Variants in AGAP1 observed in about 807,000 individuals in gnomAD.
AGAP1 encodes the protein arf-GAP with GTPase, ANK repeat and PH domain-containing protein 1.
Under a neutral mutation model 105.3 loss-of-function variants are expected in AGAP1, and 29 were observed. The observed-to-expected ratio is 0.28, with a 90% confidence interval of 0.21 to 0.38. AGAP1 has a LOEUF of 0.38. Among genes scored for constraint, AGAP1 ranks in the 10% least tolerant of loss-of-function variants. The pLI, the probability that AGAP1 is intolerant of heterozygous loss-of-function variation, is 1.00. For synonymous variants in AGAP1, 509 were observed against 485.9 expected, an observed-to-expected ratio of 1.05 and a Z score of -0.63; for missense variants, 998 against 1,165.1, an observed-to-expected ratio of 0.86 and a Z score of 2.09.
chr2:236,010,951 G>A (rs1300606591), intron 13 of AGAP1, among the ~76,000 whole-genome samples: 1 of 152,180 alleles, frequency 6.6e-6, no homozygotes, highest in Non-Finnish European at 1.5e-5. Flanking sequence ...GGCGGCTGAG[G>A]CAGGAGAATG....
chr2:235,852,414 C>T (rs529382705), intron 9 of AGAP1, among the ~76,000 whole-genome samples: 6 of 152,182 alleles, frequency 3.9e-5, no homozygotes, highest in Non-Finnish European at 7.3e-5. Context: ...GGGGGAACCC[C>T]GAAACAGGCC....
intron 1 of AGAP1, among the ~76,000 whole-genome samples, chr2:235,696,547 A>T (rs1575154983): frequency 6.6e-6 from 1 of 152,234 alleles, no homozygotes; most frequent in East Asian, 1.9e-4. Flanking sequence ...CAGGGATGAG[A>T]GATGGTCCGT....
At chr2:235,510,840 G>C (rs914281305) in intron 1 of AGAP1, among the ~76,000 whole-genome samples, 1 of 152,068 alleles carries the variant, frequency 6.6e-6, no homozygotes. Context: ...AGAAGCCTCA[G>C]AAAGAGGTGC....
chr2:236,024,634 C>T (rs1329197313), intron 13 of AGAP1, among the ~76,000 whole-genome samples: 1 of 152,062 alleles, frequency 6.6e-6, no homozygotes, highest in African/African-American at 2.4e-5. Context: ...ACGGATTGGC[C>T]CATTAACCTT....
At chr2:235,686,665 A>ATATATATATATATT (rs1369766503) in intron 1 of AGAP1, among the ~76,000 whole-genome samples, 1 of 77,502 alleles carries the variant, frequency 1.3e-5, no homozygotes, top group Non-Finnish European at 2.2e-5. Flanking sequence ...ATATATATAT[A>ATATATATATATATT]TTTTTTTTTT....
rs1397120478 is a variant in AGAP1, at chr2:235,900,170, A to G, written c.1156-8568A>G. Among the ~76,000 whole-genome samples, 1 of 152,230 alleles carries G rather than the reference A, an allele frequency of 6.6e-6. No individual in the cohort carries two copies. The highest frequency in any genetic ancestry group is 2.4e-5 in the African/African-American group (1 of 41,462). ...AGCCTTCTCGTTTACCACGTGTAGCATAATGACCCAGACCCAATAAAGCAT... is the reference window on the plus strand; with the variant it reads ...AGCCTTCTCGTTTACCACGTGTAGCGTAATGACCCAGACCCAATAAAGCAT... On this transcript the variant is annotated intron_variant, in intron 10 of 17. Coordinates refer to ENST00000304032, the MANE Select transcript of AGAP1 (RefSeq NM_001037131.3). The surrounding 1 kb of genome is among the most constrained non-coding windows in gnomAD (Gnocchi z 5.5).
intron 1 of AGAP1, among the ~76,000 whole-genome samples, chr2:235,508,337 T>TAAAA (rs751367327): frequency 6.6e-6 from 1 of 152,218 alleles, no homozygotes; most frequent in Admixed American, 6.5e-5. Context: ...TTTGATGTTT[T>TAAAA]AGTAAAGTAG....
At chr2:235,595,974 G>A (rs7594974) in intron 1 of AGAP1, among the ~76,000 whole-genome samples, 22,221 of 152,192 alleles carry the variant, frequency 0.15, 1,891 homozygotes, top group South Asian at 0.28. Context: ...ATTACTTTGC[G>A]TACTGTGTAC....
At chr2:235,581,622 G>A (rs1276679223) in intron 1 of AGAP1, among the ~76,000 whole-genome samples, 7 of 151,702 alleles carry the variant, frequency 4.6e-5, no homozygotes, top group African/African-American at 7.2e-5. Context: ...CCTGGGCAAC[G>A]TGGTGAAATT....
chr2:235,956,688 G>A (rs2053964272), intron 12 of AGAP1, among the ~76,000 whole-genome samples: 1 of 152,226 alleles, frequency 6.6e-6, no homozygotes, highest in Non-Finnish European at 1.5e-5. Context: ...AGGAGGCTGG[G>A]GGACACCCCT....
Position 235,889,179 on chromosome 2 carries a change from A to G in AGAP1, c.1155+5730A>G, listed in dbSNP as rs1266522046. 6.6e-6 allele frequency among the ~76,000 whole-genome samples: 1 copy of G among 152,148 alleles called. No individual in the cohort carries two copies. The highest frequency in any genetic ancestry group is 2.4e-5 in the African/African-American group (1 of 41,426). On this transcript the variant is annotated intron_variant, in intron 10 of 17. Coordinates refer to ENST00000304032, the MANE Select transcript of AGAP1 (RefSeq NM_001037131.3). The surrounding 1 kb of genome is among the most constrained non-coding windows in gnomAD (Gnocchi z 4.6). ...ATAAACCCAGCTCTTGGCCAAACAA[A>G]CAGTCGGTATGTGGCCGTGCTGTGC...
intron 13 of AGAP1, among the ~76,000 whole-genome samples, chr2:236,029,301 A>G (rs1255078499): frequency 6.6e-6 from 1 of 150,452 alleles, no homozygotes; most frequent in African/African-American, 2.5e-5. Context: ...TTTGAGATGA[A>G]GTCTTTCCTT....
intron 1 of AGAP1, among the ~76,000 whole-genome samples, chr2:235,643,839 T>C (rs1334468769): frequency 1.3e-5 from 2 of 152,162 alleles, no homozygotes; most frequent in East Asian, 3.8e-4. Flanking sequence ...TCTTTCCCAT[T>C]ATGCTATCTC....
intron 1 of AGAP1, among the ~76,000 whole-genome samples, chr2:235,534,404 T>A (rs1574787443): frequency 6.6e-6 from 1 of 152,206 alleles, no homozygotes; most frequent in South Asian, 2.1e-4. Context: ...TGAGGACTCA[T>A]TGGATTAAAT....
rs1256426105 is a variant in AGAP1 at position 236,078,507 on chromosome 2, T to C, written c.2114+29226T>C. ...TCATCCTGCTATGACTTTAATTGCCTGGAGAATTCCTTCCCAGCAAAAGCC... is the reference window on the plus strand; with the variant it reads ...TCATCCTGCTATGACTTTAATTGCCCGGAGAATTCCTTCCCAGCAAAAGCC... On this transcript the variant is annotated intron_variant, in intron 16 of 17. Coordinates refer to ENST00000304032, the MANE Select transcript of AGAP1 (RefSeq NM_001037131.3). The surrounding 1 kb of genome is among the most constrained non-coding windows in gnomAD (Gnocchi z 5.3). Among the ~76,000 whole-genome samples the C allele has an allele frequency of 1.3e-5, 2 of 152,172 alleles. No homozygotes were observed. Among genetic ancestry groups the C allele is most frequent in the Admixed American group, 6.5e-5 (1 of 15,276 alleles).
chr2:235,921,856 A>G (rs2052197785), intron 11 of AGAP1, among the ~76,000 whole-genome samples: 1 of 152,246 alleles, frequency 6.6e-6, no homozygotes, highest in African/African-American at 2.4e-5. Flanking sequence ...TCAGCCTGAA[A>G]TTCCACTTGC....
chr2:236,107,446 A>G (rs531413755), intron 16 of AGAP1, among the ~76,000 whole-genome samples: 2 of 152,098 alleles, frequency 1.3e-5, no homozygotes, highest in Non-Finnish European at 2.9e-5. Context: ...ATGATTCCTC[A>G]GACAGTCTCC....
At chr2:235,509,096 T>C (rs982190705) in intron 1 of AGAP1, among the ~76,000 whole-genome samples, 2 of 152,256 alleles carry the variant, frequency 1.3e-5, no homozygotes, top group African/African-American at 4.8e-5. Context: ...TAGAGGGTGG[T>C]GTGAACTCAT....
intron 9 of AGAP1, among the ~76,000 whole-genome samples, chr2:235,854,573 C>T (rs1017555216): frequency 4.6e-5 from 7 of 152,192 alleles, no homozygotes; most frequent in African/African-American, 1.2e-4. Context: ...CCCATTTCAG[C>T]GCATTATAGG....
Sources: allele counts gnomAD v4.1 joint callset (sites outside exome capture counted in the v4.1 genomes callset), GRCh38; gene constraint gnomAD v4.1.1; non-coding constraint Gnocchi (gnomAD v3.1); transcripts MANE v1.5; gene names NCBI Gene and HGNC (gene_info 2026-07-23, HGNC 2026-07-21).